LYSMD1: variants seen among roughly 807,000 people sequenced by gnomAD.
LYSMD1 encodes the protein LysM domain containing 1.
LYSMD1 carries 9 observed loss-of-function variants against 19.3 expected under a neutral mutation model. The observed-to-expected ratio is 0.47, with a 90% CI of 0.28 to 0.81. The LOEUF (loss-of-function observed/expected upper bound fraction) is 0.81, where lower values mean the gene tolerates loss of function less well. Among genes scored for constraint, LYSMD1 ranks in the 40% least tolerant of loss-of-function variants. The probability of loss-of-function intolerance (pLI) is 0.11; values close to 1 mark genes in which losing one functional copy is unlikely to be tolerated. For synonymous variants in LYSMD1, 111 were observed against 111.7 expected, an observed-to-expected ratio of 0.99 and a Z score of 0.04; for missense variants, 262 against 279.8, an observed-to-expected ratio of 0.94 and a Z score of 0.45.
At chr1:151,152,025 T>C in the LYSMD1 span, among the ~76,000 whole-genome samples, 1 of 145,808 alleles carries the variant, frequency 6.9e-6, no homozygotes, top group African/African-American at 2.5e-5. Flanking sequence ...GAGGAAGAAA[T>C]AAATGCATCA....
At chr1:151,157,539 G>T (rs1290230293), downstream of LYSMD1, among the ~76,000 whole-genome samples, 1 of 152,196 alleles carries the variant, frequency 6.6e-6, no homozygotes. Flanking sequence ...AGGACTGCCT[G>T]CCCTTCTTGA....
At chr1:151,155,836 T>A (rs1428605097), downstream of LYSMD1, among the ~76,000 whole-genome samples, 1 of 151,462 alleles carries the variant, frequency 6.6e-6, no homozygotes, top group Non-Finnish European at 1.5e-5. Flanking sequence ...GCGGGGTGCG[T>A]TGGCTCACAC....
downstream of LYSMD1, chr1:151,159,037 G>A: frequency 6.2e-7 from 1 of 1,614,196 alleles, no homozygotes; most frequent in Non-Finnish European, 8.5e-7. Flanking sequence ...CTTCGAGGCT[G>A]CTGTTCTGGC....
chr1:151,165,581 C>G lies in LYSMD1; in HGVS notation c.-323G>C. 6.7e-7 allele frequency: 1 copy of G among 1,489,216 alleles called. No homozygotes were observed. Among genetic ancestry groups the G allele is most frequent in the Non-Finnish European group, 8.9e-7 (1 of 1,124,718 alleles). The allele number at this position is 1,489,216 out of a possible 1,614,324, so 92.3% of individuals were successfully genotyped here. A position where few individuals can be genotyped will look rare whatever the true frequency, so the allele number is the denominator to read the frequency against. ...AACTCTAGAAATAATCCTCAACACT[C>G]TTTCCTCAGTTTGCCCCCAAGTAGC... On this transcript the variant is annotated 5_prime_UTR_variant, in exon 1 of 3. Coordinates refer to ENST00000368908, the MANE Select transcript of LYSMD1 (RefSeq NM_212551.5).
chr1:151,161,649 CCTTA>C lies in LYSMD1; in HGVS notation c.545+83_545+86del, dbSNP rs894042320. 7.2e-6 allele frequency: 11 copies of C among 1,530,064 alleles called. 1 individual carries two copies. The highest frequency in any genetic ancestry group is 2.8e-5 in the African/African-American group (2 of 71,478). 94.8% of individuals were successfully genotyped at this position (1,530,064 alleles called of 1,614,324 possible). ...ATCACCTTGCCTCTGTTGGCACTGT[CCTTA>C]CTTACTTGTGTTTGTGGTTAGGTAA... On this transcript the variant is annotated intron_variant, in intron 2 of 2. Coordinates refer to ENST00000368908, the MANE Select transcript of LYSMD1 (RefSeq NM_212551.5).
In LYSMD1 at chr1:151,165,118, T is replaced by A; in HGVS notation, c.141A>T (p.Gly47=). ...TGAGTGCTAGTCCAGCCAGGGTGTC[T>A]CCGGGCTCCAACTGATGCTCCAGGC... ...ERRLEHQLEP[G]DTLAGLALKY... Residue 47 remains glycine, a synonymous_variant, in exon 1 of 3, where the codon GGA becomes GGT. Coordinates refer to ENST00000368908, the MANE Select transcript of LYSMD1 (RefSeq NM_212551.5). 6.2e-7 allele frequency: 1 copy of A among 1,614,152 alleles called. No homozygotes were observed. The highest frequency in any genetic ancestry group is 1.1e-5 in the South Asian group (1 of 91,084).
chr1:151,161,372 CTG>C (rs1683444974), intron 2 of LYSMD1, among the ~76,000 whole-genome samples: 1 of 152,100 alleles, frequency 6.6e-6, no homozygotes. Flanking sequence ...TGGCGGGCGC[CTG>C]TAGTCCCAGC....
At chr1:151,153,690 C>T in the LYSMD1 span, among the ~76,000 whole-genome samples, 10 of 150,670 alleles carry the variant, frequency 6.6e-5, no homozygotes, top group African/African-American at 2.2e-4. Context: ...TGTGGTGGCT[C>T]ATGCCTGTAA....
chr1:151,155,835 G>A (rs985668192), downstream of LYSMD1, among the ~76,000 whole-genome samples: 3 of 151,862 alleles, frequency 2.0e-5, no homozygotes, highest in African/African-American at 7.3e-5. Context: ...TGCGGGGTGC[G>A]TTGGCTCACA....
chr1:151,151,307 A>G, the LYSMD1 span, among the ~76,000 whole-genome samples: 8 of 150,798 alleles, frequency 5.3e-5, no homozygotes, highest in Non-Finnish European at 1.0e-4. Flanking sequence ...CTCCTGCCTC[A>G]GCCTCCAGAG....
chr1:151,158,948 T>G (rs778803705), downstream of LYSMD1: 2 of 1,614,264 alleles, frequency 1.2e-6, no homozygotes, highest in Middle Eastern at 1.6e-4. Context: ...CCCAGTGAGC[T>G]GGCCCTGGCT....
downstream of LYSMD1, among the ~76,000 whole-genome samples, chr1:151,156,404 G>A (rs1037262397): frequency 5.3e-5 from 8 of 152,322 alleles, no homozygotes; most frequent in African/African-American, 1.9e-4. Context: ...TGTAAGGACA[G>A]GATCTTCAGG....
chr1:151,149,828 C>G, the LYSMD1 span, among the ~76,000 whole-genome samples: 1 of 152,230 alleles, frequency 6.6e-6, no homozygotes, highest in Non-Finnish European at 1.5e-5. Flanking sequence ...ATATTTCAAA[C>G]TTCCTCCTTT....
Position 151,159,860 on chromosome 1 carries a change from G to T in LYSMD1, c.*1022C>A, listed in dbSNP as rs587684111. On this transcript the variant is annotated 3_prime_UTR_variant, in exon 3 of 3. Transcript: ENST00000368908. ...CACCTCTCATCATTTCCAAACAGGA[G>T]ACTGAGGCAGATTTCCATTATTACT... is the stretch of plus-strand genomic sequence containing the variant. The T allele has an allele frequency of 5.4e-4, 90 of 167,156 alleles. 2 individuals are homozygous for T. In the South Asian group the frequency reaches 0.017, roughly 32 times the overall value. 10.4% of individuals were successfully genotyped at this position (167,156 alleles called of 1,614,324 possible).
At chr1:151,163,878 TTGTGTGTG>T (rs57906452) in intron 1 of LYSMD1, among the ~76,000 whole-genome samples, 39 of 142,042 alleles carry the variant, frequency 2.7e-4, no homozygotes, top group African/African-American at 3.1e-4. Context: ...TTTCCTATCT[TTGTGTGTG>T]TGTGTGTGTG....
chr1:151,154,969 A>G (rs1241479285), downstream of LYSMD1, among the ~76,000 whole-genome samples: 1 of 152,110 alleles, frequency 6.6e-6, no homozygotes, highest in East Asian at 1.9e-4. Context: ...CACGTTGGCC[A>G]GGCTGGTCTC....
intron 1 of LYSMD1, 76 bp downstream of exon 1, chr1:151,165,003 T>G (rs932166852): frequency 1.5e-6 from 2 of 1,318,618 alleles, no homozygotes; most frequent in Admixed American, 2.0e-5. Flanking sequence ...GGAGGTTACC[T>G]AGAAGGGCCA....
At chr1:151,148,772 A>AT in the LYSMD1 span, among the ~76,000 whole-genome samples, 3 of 152,276 alleles carry the variant, frequency 2.0e-5, no homozygotes, top group South Asian at 4.2e-4. Context: ...TGCAGCATGG[A>AT]TAAAAAAAAG....
At chr1:151,162,172 G>T in intron 1 of LYSMD1, 72 bp from the exon 2 acceptor site, 1 of 1,410,416 alleles carries the variant, frequency 7.1e-7, no homozygotes, top group South Asian at 1.3e-5. Context: ...TTTTTAAAGT[G>T]ACTGTACAGA....
Sources: allele counts gnomAD v4.1 joint callset (sites outside exome capture counted in the v4.1 genomes callset), GRCh38; gene constraint gnomAD v4.1.1; transcripts MANE v1.5; gene names NCBI Gene and HGNC (gene_info 2026-07-23, HGNC 2026-07-21).